The following EPHA6 variants were observed in gnomAD, a reference collection of about 807,000 sequenced individuals.
EPHA6 encodes the protein ephrin type-A receptor 6.
Under a neutral mutation model 112.0 loss-of-function variants are expected in EPHA6, and 50 were observed. The observed-to-expected ratio is 0.45, with a 90% confidence interval of 0.36 to 0.56. EPHA6 has a LOEUF of 0.56. Among genes scored for constraint, EPHA6 ranks in the 20% least tolerant of loss-of-function variants. EPHA6 has a pLI of 0.00. For synonymous variants in EPHA6, 529 were observed against 490.7 expected, an observed-to-expected ratio of 1.08 and a Z score of -1.03; for missense variants, 1,280 against 1,417.4, an observed-to-expected ratio of 0.90 and a Z score of 1.56.
intron 13 of EPHA6, chr3:97,612,468 C>A (rs2093728540): frequency 5.5e-6 from 2 of 361,144 alleles, no homozygotes; most frequent in South Asian, 2.2e-5. Context: ...CTACCACAAG[C>A]AAATAAGGTG....
intron 2 of EPHA6, among the ~76,000 whole-genome samples, chr3:96,929,079 A>G (rs567632311): frequency 1.3e-5 from 2 of 152,236 alleles, no homozygotes; most frequent in East Asian, 1.9e-4. Context: ...CAGCTTGAAG[A>G]TGACATACCA....
At chr3:97,066,160 T>A (rs2046171495) in intron 3 of EPHA6, among the ~76,000 whole-genome samples, 1 of 152,122 alleles carries the variant, frequency 6.6e-6, no homozygotes, top group South Asian at 2.1e-4. Flanking sequence ...GTGCATTTAA[T>A]TTTTAGTTAG....
chr3:97,078,338 G>A (rs763177900), intron 3 of EPHA6, among the ~76,000 whole-genome samples: 2 of 152,074 alleles, frequency 1.3e-5, no homozygotes, highest in Non-Finnish European at 2.9e-5. Flanking sequence ...CTCCCATTCT[G>A]TAGGTTACCT....
chr3:96,829,949 G>GCGCGCGCGCGCGCGCACA (rs373416797), intron 1 of EPHA6, among the ~76,000 whole-genome samples: 5 of 136,032 alleles, frequency 3.7e-5, no homozygotes, highest in African/African-American at 1.5e-4. Flanking sequence ...GCGCGCGCGC[G>GCGCGCGCGCGCGCGCACA]CACACACACA....
rs547836402 is a variant in EPHA6, at chr3:96,820,019, A to G, written c.385+5011A>G. Among the ~76,000 whole-genome samples, 42 of 152,254 alleles carry G rather than the reference A, an allele frequency of 2.8e-4. 1 individual carries two copies. In the South Asian group the frequency reaches 8.3e-3, roughly 30 times the overall value. On this transcript the variant is annotated intron_variant, in intron 1 of 17. Transcript: ENST00000389672. ...AAGGTGACATTGAAACCTCATTCTCAGGGAAGAGAAAGAGCTCATTCTGCA... is the reference window on the plus strand; with the variant it reads ...AAGGTGACATTGAAACCTCATTCTCGGGGAAGAGAAAGAGCTCATTCTGCA...
chr3:97,313,886 G>A (rs1576924436), intron 5 of EPHA6, among the ~76,000 whole-genome samples: 1 of 151,542 alleles, frequency 6.6e-6, no homozygotes, highest in Non-Finnish European at 1.5e-5. Flanking sequence ...TCAGTAGGAT[G>A]AAATCCAACT....
chr3:97,157,524 G>C (rs1270933206), intron 3 of EPHA6, among the ~76,000 whole-genome samples: 2 of 152,118 alleles, frequency 1.3e-5, no homozygotes, highest in Non-Finnish European at 2.9e-5. Context: ...GAGAGAGACA[G>C]AGACAGAGAC....
chr3:97,601,589 A>T (rs901128967), intron 12 of EPHA6, among the ~76,000 whole-genome samples: 1 of 152,132 alleles, frequency 6.6e-6, no homozygotes, highest in Non-Finnish European at 1.5e-5. Context: ...TTTCATATTT[A>T]TGTTCACAGA....
intron 15 of EPHA6, among the ~76,000 whole-genome samples, chr3:97,730,939 G>T (rs78663717): frequency 0.016 from 2,449 of 152,202 alleles, 65 homozygotes; most frequent in African/African-American, 0.054. Flanking sequence ...CACAGCAAAG[G>T]TGAGGACTGA....
intron 2 of EPHA6, among the ~76,000 whole-genome samples, chr3:96,943,497 G>A (rs923725313): frequency 2.6e-5 from 4 of 152,162 alleles, no homozygotes; most frequent in African/African-American, 9.7e-5. Flanking sequence ...AAAGTGTAGT[G>A]ACTCTGTTCA....
At chr3:97,176,065 AG>A (rs2076827221) in intron 3 of EPHA6, among the ~76,000 whole-genome samples, 1 of 151,854 alleles carries the variant, frequency 6.6e-6, no homozygotes, top group Non-Finnish European at 1.5e-5. Flanking sequence ...TATTATGAAG[AG>A]GTGTGTTCTT....
chr3:97,428,465 C>A (rs531043936), intron 6 of EPHA6, among the ~76,000 whole-genome samples: 1 of 152,206 alleles, frequency 6.6e-6, no homozygotes, highest in East Asian at 1.9e-4. Flanking sequence ...AAGCTTATAT[C>A]ATGGATCTAG....
chr3:97,157,938 T>A (rs1408885114), intron 3 of EPHA6, among the ~76,000 whole-genome samples: 4 of 152,158 alleles, frequency 2.6e-5, no homozygotes, highest in African/African-American at 4.8e-5. Flanking sequence ...CATGGCTCAG[T>A]CAAGTTGACA....
intron 10 of EPHA6, among the ~76,000 whole-genome samples, chr3:97,528,752 A>T (rs1338074642): frequency 1.3e-5 from 2 of 152,182 alleles, no homozygotes; most frequent in Non-Finnish European, 2.9e-5. Flanking sequence ...TAGACTTTAT[A>T]TGAAAATCCC....
At chr3:97,655,793 T>C (rs998350079) in intron 14 of EPHA6, among the ~76,000 whole-genome samples, 16 of 149,814 alleles carry the variant, frequency 1.1e-4, no homozygotes, top group African/African-American at 3.7e-4. Flanking sequence ...CATTAGGAGA[T>C]ATACCTAATG....
At chr3:97,638,376 G>A (rs1049743272) in intron 14 of EPHA6, among the ~76,000 whole-genome samples, 2 of 152,066 alleles carry the variant, frequency 1.3e-5, no homozygotes, top group African/African-American at 4.8e-5. Flanking sequence ...ATGGGCTGAA[G>A]TATCTTTGAT....
At chr3:97,250,082 T>C (rs1219543836) in intron 5 of EPHA6, among the ~76,000 whole-genome samples, 2 of 152,172 alleles carry the variant, frequency 1.3e-5, no homozygotes, top group African/African-American at 4.8e-5. Context: ...AGAGAAAATC[T>C]TGTAACTATA....
At chr3:96,981,588 C>T (rs1021709426) in intron 2 of EPHA6, among the ~76,000 whole-genome samples, 1 of 152,054 alleles carries the variant, frequency 6.6e-6, no homozygotes, top group East Asian at 1.9e-4. Context: ...AGGGAGGATT[C>T]TCTCTTTTTC....
intron 11 of EPHA6, chr3:97,560,507 G>T (rs1471400188): frequency 6.6e-6 from 1 of 152,034 alleles, no homozygotes; most frequent in African/African-American, 2.4e-5. Flanking sequence ...GCCACATATG[G>T]CTGGTGGCTA....
Sources: gnomAD v4.1 joint callset for allele counts (sites outside exome capture counted in the v4.1 genomes callset) on GRCh38, gnomAD v4.1.1 for gene constraint, MANE v1.5 for transcripts, NCBI Gene and HGNC (gene_info 2026-07-23, HGNC 2026-07-21) for gene names.